AOPEP: variants seen among roughly 807,000 people sequenced by gnomAD.
AOPEP encodes the protein aminopeptidase O (putative).
A neutral mutation model predicts 98.1 loss-of-function variants in AOPEP; 77 were observed. The ratio of observed to expected loss-of-function variants is 0.78; its 90% confidence interval spans 0.65 to 0.95. The LOEUF is 0.95. AOPEP is among the 40% of genes least tolerant of loss of function. AOPEP has a pLI of 0.00. For synonymous variants in AOPEP, 346 were observed against 365.3 expected (o/e 0.95, Z 0.60); for missense variants, 1,024 against 1,024.7 (o/e 1.00, Z 0.01).
chr9:95,098,252 TC>T, the AOPEP span, among the ~76,000 whole-genome samples: 1 of 152,162 alleles, frequency 6.6e-6, no homozygotes, highest in Admixed American at 6.5e-5. Flanking sequence ...TCCCTTCTTC[TC>T]TGGCTTCCCT....
chr9:94,857,780 A>C (rs2044408999), intron 5 of AOPEP, among the ~76,000 whole-genome samples: 1 of 152,198 alleles, frequency 6.6e-6, no homozygotes, highest in South Asian at 2.1e-4. Context: ...AGCTATTTTA[A>C]AGCAGTTGCT....
At chr9:95,116,543 A>T in the AOPEP span, among the ~76,000 whole-genome samples, 1 of 152,240 alleles carries the variant, frequency 6.6e-6, no homozygotes, top group African/African-American at 2.4e-5. Flanking sequence ...AGGAAATGTG[A>T]CTGGCTCGTT....
In AOPEP at chr9:95,002,368, T is replaced by C. The variant is rs551700403; in HGVS notation, c.1978-2790T>C. 5.5e-4 allele frequency among the ~76,000 whole-genome samples: 84 copies of C among 152,220 alleles called. 1 individual carries two copies. Among genetic ancestry groups the C allele is most frequent in the Non-Finnish European group, 2.1e-4 (14 of 68,036 alleles). ...TCAAGAACAAAAGATACGGGATCTC[T>C]TTCTTCTTGGGGCATAAAATCCAGC... On this transcript the variant is annotated intron_variant, in intron 11 of 16. Coordinates refer to ENST00000375315, the MANE Select transcript of AOPEP (RefSeq NM_001193329.3).
At chr9:95,036,359 C>G (rs1408609175) in intron 13 of AOPEP, among the ~76,000 whole-genome samples, 1 of 152,148 alleles carries the variant, frequency 6.6e-6, no homozygotes, top group Non-Finnish European at 1.5e-5. Context: ...GTCTTACTTG[C>G]TTTAAATCTT....
chr9:94,998,192 A>G (rs2061354637), intron 11 of AOPEP, among the ~76,000 whole-genome samples: 2 of 151,432 alleles, frequency 1.3e-5, no homozygotes, highest in Admixed American at 6.6e-5. Flanking sequence ...ATGAACAAAT[A>G]TGTTAAAGTG....
chr9:94,766,826 TTTTG>T (rs143565910), intron 2 of AOPEP, among the ~76,000 whole-genome samples: 7,891 of 152,280 alleles, frequency 0.052, 228 homozygotes, highest in Admixed American at 0.077. Flanking sequence ...ATTGTGATTT[TTTTG>T]TTTGTTTGTT....
intron 11 of AOPEP, among the ~76,000 whole-genome samples, chr9:94,983,463 C>G (rs2060320765): frequency 6.6e-6 from 1 of 152,178 alleles, no homozygotes; most frequent in South Asian, 2.1e-4. Flanking sequence ...TGGACTGGTG[C>G]AATAGCAAAC....
At chr9:94,875,356 A>AAAAAAAG (rs2046817403) in intron 5 of AOPEP, among the ~76,000 whole-genome samples, 7 of 149,234 alleles carry the variant, frequency 4.7e-5, no homozygotes, top group African/African-American at 1.7e-4. Context: ...AGAAAAAAAA[A>AAAAAAAG]AAAAAAAAAA....
chr9:94,844,771 CA>C (rs1327535853), intron 5 of AOPEP, among the ~76,000 whole-genome samples: 1 of 152,188 alleles, frequency 6.6e-6, no homozygotes, highest in Non-Finnish European at 1.5e-5. Flanking sequence ...CTCATAGTCT[CA>C]GGGGGCAGAT....
the AOPEP span, chr9:95,101,619 C>G: frequency 1.0e-5 from 16 of 1,553,218 alleles, no homozygotes; most frequent in Non-Finnish European, 1.1e-5. Flanking sequence ...ACTTACTCCA[C>G]AAATGCGTGG....
the AOPEP span, among the ~76,000 whole-genome samples, chr9:95,139,796 C>T: frequency 6.8e-6 from 1 of 146,956 alleles, no homozygotes; most frequent in South Asian, 2.1e-4. Context: ...ATGCCTTGTG[C>T]TGTATTGTTT....
At chr9:94,831,950 C>T (rs1856065744) in intron 5 of AOPEP, among the ~76,000 whole-genome samples, 1 of 152,058 alleles carries the variant, frequency 6.6e-6, no homozygotes, top group South Asian at 2.1e-4. Flanking sequence ...GGACAGGAGG[C>T]TGCTTTTGTA....
chr9:94,827,676 G>C (rs1275040743), intron 5 of AOPEP, among the ~76,000 whole-genome samples: 2 of 152,088 alleles, frequency 1.3e-5, no homozygotes, highest in African/African-American at 4.8e-5. Flanking sequence ...GACCTGACTG[G>C]TCTTTGTCCA....
Position 94,773,069 on chromosome 9 carries a change from G to A in AOPEP, c.865G>A (p.Val289Ile), listed in dbSNP as rs1000228613. ...CCTTTTTCCATGCCAGGAGCCACCCGTTGCCATGTCAACATGGCAGGCTAC... is the reference window on the plus strand; with the variant it reads ...CCTTTTTCCATGCCAGGAGCCACCCATTGCCATGTCAACATGGCAGGCTAC... ...RALFPCQEPP[V>I]AMSTWQATVR... Residue 289 changes from valine to isoleucine, a missense_variant, in exon 3 of 17, where the codon GTT becomes ATT. Physicochemically the swap from Val to Ile is conservative, Grantham distance 29. Transcript: ENST00000375315. 2.5e-6 allele frequency: 4 copies of A among 1,613,872 alleles called. No individual in the cohort carries two copies. The highest frequency in any genetic ancestry group is 2.2e-5 in the East Asian group (1 of 44,882).
intron 5 of AOPEP, among the ~76,000 whole-genome samples, chr9:94,864,431 CT>C (rs564533136): frequency 1.3e-5 from 2 of 152,254 alleles, no homozygotes; most frequent in Non-Finnish European, 2.9e-5. Flanking sequence ...CAGTAAATCT[CT>C]ATGAGTTTTT....
chr9:94,751,744 CTT>C (rs749667289), intron 1 of AOPEP, among the ~76,000 whole-genome samples: 13 of 137,032 alleles, frequency 9.5e-5, no homozygotes, highest in Admixed American at 1.5e-4. Context: ...ATGAAAATTT[CTT>C]TTTTTTTTTT....
rs569228266 is a variant in AOPEP, at chr9:94,998,311, A to C, written c.1978-6847A>C. Among the ~76,000 whole-genome samples the C allele has an allele frequency of 2.0e-5, 3 of 151,974 alleles. 1 individual carries two copies. In the South Asian group the frequency reaches 6.3e-4, roughly 32 times the overall value. On this transcript the variant is annotated intron_variant, in intron 11 of 16. Transcript: ENST00000375315. ...AGCGATATGAAATCCCCTGAGACTC[A>C]GTTTTTCCATCTTTCAGATGGGACT...
intron 5 of AOPEP, among the ~76,000 whole-genome samples, chr9:94,892,595 A>G (rs112286831): frequency 7.2e-5 from 11 of 152,354 alleles, no homozygotes; most frequent in African/African-American, 2.6e-4. Flanking sequence ...AGATGGCCTC[A>G]TTTGGAGGGT....
intron 5 of AOPEP, among the ~76,000 whole-genome samples, chr9:94,913,524 A>C (rs1037463273): frequency 5.9e-5 from 9 of 152,198 alleles, no homozygotes; most frequent in African/African-American, 2.2e-4. Context: ...GTTATTCTTA[A>C]AAGTTCAATT....
Sources: allele counts gnomAD v4.1 joint callset (sites outside exome capture counted in the v4.1 genomes callset), GRCh38; gene constraint gnomAD v4.1.1; transcripts MANE v1.5; gene names NCBI Gene and HGNC (gene_info 2026-07-23, HGNC 2026-07-21).